ABCC12: variants seen among roughly 807,000 people sequenced by gnomAD.
ABCC12 encodes ATP-binding cassette sub-family C member 12.
Under a neutral mutation model 151.1 loss-of-function variants are expected in ABCC12, and 142 were observed. The ratio of observed to expected loss-of-function variants is 0.94; its 90% confidence interval spans 0.82 to 1.08. ABCC12 has a LOEUF of 1.08. ABCC12 is among the 50% of genes least tolerant of loss of function. The pLI is 0.00. For synonymous variants in ABCC12, 645 were observed against 646.4 expected (o/e 1.00, Z 0.03); for missense variants, 1,638 against 1,691.1 (o/e 0.97, Z 0.55).
chr16:48,154,294 C>G (rs1426581297), intron 1 of ABCC12, among the ~76,000 whole-genome samples: 1 of 152,084 alleles, frequency 6.6e-6, no homozygotes, highest in Non-Finnish European at 1.5e-5. Flanking sequence ...ACTTGCAGTT[C>G]CATTTTATAT....
At chr16:48,086,541 G>C (rs1482928894) in intron 28 of ABCC12, 200 bp downstream of exon 28, 3 of 562,366 alleles carry the variant, frequency 5.3e-6, no homozygotes, top group African/African-American at 1.9e-5. Flanking sequence ...TAGTGCTCTT[G>C]ACTGGATCAT....
intron 23 of ABCC12, among the ~76,000 whole-genome samples, chr16:48,099,465 T>C (rs1963227249): frequency 6.6e-6 from 1 of 152,226 alleles, no homozygotes; most frequent in East Asian, 1.9e-4. Context: ...ATGCACCCTT[T>C]AGAACTGCAT....
chr16:48,120,026 A>G (rs991450766), intron 13 of ABCC12, among the ~76,000 whole-genome samples: 3 of 152,236 alleles, frequency 2.0e-5, no homozygotes, highest in African/African-American at 7.2e-5. Flanking sequence ...CAATACACCA[A>G]GCTAAGCAAA....
intron 2 of ABCC12, chr16:48,146,846 C>G (rs1223518402): frequency 1.4e-5 from 3 of 213,276 alleles, no homozygotes; most frequent in Non-Finnish European, 2.8e-5. Flanking sequence ...TTGGCTGACA[C>G]ACACACACAT....
intron 25 of ABCC12, 128 bp from the exon 26 acceptor site, chr16:48,088,862 C>A: frequency 1.3e-6 from 1 of 782,328 alleles, no homozygotes; most frequent in Non-Finnish European, 1.9e-6. Context: ...CCAATAATGA[C>A]CCTTAATTCT....
intron 3 of ABCC12, 94 bp downstream of exon 3, chr16:48,146,212 C>T (rs1964995374): frequency 9.2e-7 from 1 of 1,083,266 alleles, no homozygotes; most frequent in Non-Finnish European, 1.4e-6. Context: ...GCAGATAGAG[C>T]AGCAGATGGG....
chr16:48,122,297 C>A (rs1261915512), intron 12 of ABCC12, among the ~76,000 whole-genome samples: 1 of 152,232 alleles, frequency 6.6e-6, no homozygotes, highest in Non-Finnish European at 1.5e-5. Flanking sequence ...CTTCAGGAAG[C>A]AGCCTTGACT....
chr16:48,091,847 G>A (rs1962910381), intron 24 of ABCC12, among the ~76,000 whole-genome samples: 1 of 152,220 alleles, frequency 6.6e-6, no homozygotes. Context: ...CTAATCCCTG[G>A]AACCTGCGAA....
chr16:48,105,153 T>C lies in ABCC12; in HGVS notation c.2659A>G (p.Thr887Ala). ...TLMASSSLHD[T>A]VFDKILKSPM... ...TGTGGCCCTACCTTATCAAACACCG[T>C]GTCATGCAGAGAGGAGGATGCCATC... Residue 887 changes from threonine to alanine, a missense_variant, in exon 21 of 31, where the codon ACG becomes GCG. Thr to Ala is a moderately conservative substitution (Grantham distance 58). Transcript: ENST00000311303. 1.2e-6 allele frequency: 2 copies of C among 1,614,134 alleles called. No individual in the cohort carries two copies. Among genetic ancestry groups the C allele is most frequent in the Non-Finnish European group, 1.7e-6 (2 of 1,180,036 alleles).
intron 12 of ABCC12, 126 bp downstream of exon 12, chr16:48,124,087 T>C (rs1964157736): frequency 2.9e-6 from 3 of 1,049,656 alleles, no homozygotes; most frequent in African/African-American, 1.6e-5. Flanking sequence ...CCAAAAATTA[T>C]TGTGAACCAC....
rs1218016767 is a variant in ABCC12 at position 48,121,710 on chromosome 16, T to C, written c.1712+6A>G. 1.2e-6 allele frequency: 2 copies of C among 1,614,018 alleles called. No individual in the cohort carries two copies. The highest frequency in any genetic ancestry group is 2.7e-5 in the African/African-American group (2 of 74,944). Reference sequence around the variant, plus strand: ...ATGTGCCTCCTGCTTTAAAAGTTAATATTACCTTTGGTGATCATACTTTTC... The same window carrying C: ...ATGTGCCTCCTGCTTTAAAAGTTAACATTACCTTTGGTGATCATACTTTTC... On this transcript the variant is annotated splice_donor_region_variant and intron_variant, in intron 13 of 30. Transcript: ENST00000311303.
chr16:48,113,842 C>G (rs1963784172), intron 15 of ABCC12, among the ~76,000 whole-genome samples: 1 of 152,202 alleles, frequency 6.6e-6, no homozygotes, highest in African/African-American at 2.4e-5. Context: ...TATGATTCCC[C>G]TCATGAGGAC....
Position 48,133,773 on chromosome 16 carries a change from CAG to C in ABCC12, c.1040_1041del (p.Ser347CysfsTer32), listed in dbSNP as rs757116870. 3.1e-6 allele frequency: 5 copies of C among 1,614,098 alleles called. No individual in the cohort carries two copies. In the Admixed American group the frequency reaches 8.3e-5, roughly 27 times the overall value. On this transcript the variant is annotated frameshift_variant, in exon 9 of 31. Transcript: ENST00000311303. LOFTEE classifies it high-confidence loss of function. The part of the protein sequence containing the change: ...EKAGFVQSGN[S>X]ALAPIVSTIA... ...ATGGTGGACACGATGGGGGCCAGGG[CAG>C]AGTTTCCACTTTGGACAAATCCAGC... is the stretch of plus-strand genomic sequence containing the variant.
Position 48,139,180 on chromosome 16 carries a change from T to C in ABCC12, c.814A>G (p.Ile272Val), listed in dbSNP as rs1257248332. The C allele has an allele frequency of 3.7e-6, 6 of 1,604,354 alleles. No homozygotes were observed. Among genetic ancestry groups the C allele is most frequent in the African/African-American group, 1.3e-5 (1 of 74,122 alleles). Residue 272 changes from isoleucine (I) to valine (V), a missense_variant, in exon 7 of 31, where the codon ATA (isoleucine) becomes GTA (valine). Coordinates refer to ENST00000311303, the MANE Select transcript of ABCC12 (RefSeq NM_001393797.1). ...TALIGISVYVIFIPVQMFMAK... is the reference protein window; with the variant it reads ...TALIGISVYVVFIPVQMFMAK... ...GCCGTTACCTGGACGGGTATGAATA[T>C]GACATACACTGATATCCCGATGAGA...
intron 1 of ABCC12, among the ~76,000 whole-genome samples, chr16:48,154,866 G>T (rs938626528): frequency 6.6e-6 from 1 of 152,226 alleles, no homozygotes; most frequent in Non-Finnish European, 1.5e-5. Context: ...TGAGACTACA[G>T]CCCTACTTCT....
In ABCC12 at chr16:48,130,804, G is replaced by C. The variant is rs1384974328; in HGVS notation, c.1220C>G (p.Ser407Cys). Residue 407 changes from serine (S) to cysteine (C), a missense_variant, in exon 10 of 31, where the codon TCT (serine) becomes TGT (cysteine). By Grantham distance (112) the Ser-to-Cys change is moderately radical (BLOSUM62 -1). Coordinates refer to ENST00000311303, the MANE Select transcript of ABCC12 (RefSeq NM_001393797.1). ...TAGTTATACCTTCATTCTCCTTAGA[G>C]AGACATTCGCTTCAGCCATTGCTTT... Reference protein sequence around the residue: ...SIKAMAEANVSLRRMKKILID... With the variant: ...SIKAMAEANVCLRRMKKILID... 1.2e-6 allele frequency: 2 copies of C among 1,611,594 alleles called. No homozygotes were observed. Among genetic ancestry groups the C allele is most frequent in the African/African-American group, 2.7e-5 (2 of 74,908 alleles).
At chr16:48,101,054 C>G in intron 22 of ABCC12, 45 bp from the exon 23 acceptor site, 1 of 1,601,554 alleles carries the variant, frequency 6.2e-7, no homozygotes, top group South Asian at 1.1e-5. Flanking sequence ...AAAGTGAGGT[C>G]TCATCAGGCT....
intron 3 of ABCC12, among the ~76,000 whole-genome samples, chr16:48,144,960 G>A (rs923004662): frequency 2.0e-5 from 3 of 152,112 alleles, no homozygotes; most frequent in Non-Finnish European, 4.4e-5. Context: ...AGAGAGTTTA[G>A]AGTATTTGCC....
At chr16:48,139,904 T>C (rs1009070238) in intron 6 of ABCC12, among the ~76,000 whole-genome samples, 3 of 150,208 alleles carry the variant, frequency 2.0e-5, no homozygotes, top group Admixed American at 1.3e-4. Context: ...GCATCTACTT[T>C]TGAACCATGA....
Sources: gnomAD v4.1 joint callset for allele counts (sites outside exome capture counted in the v4.1 genomes callset) on GRCh38, gnomAD v4.1.1 for gene constraint, MANE v1.5 for transcripts, NCBI Gene and HGNC (gene_info 2026-07-23, HGNC 2026-07-21) for gene names.